CYP2C19: variants seen among roughly 807,000 people sequenced by gnomAD.
CYP2C19 encodes cytochrome P450 family 2 subfamily C member 19.
CYP2C19 carries 59 observed loss-of-function variants against 40.9 expected under a neutral mutation model. The ratio of observed to expected loss-of-function variants is 1.44; its 90% confidence interval spans 1.17 to 1.79. CYP2C19 has a LOEUF of 1.79. Ranked by LOEUF, CYP2C19 falls within the 40% of genes most tolerant of loss-of-function variation. CYP2C19 has a pLI of 0.00. For missense variants in CYP2C19, 754 were observed against 596.9 expected (o/e 1.26, Z -2.74); for synonymous variants, 253 against 208.7 (o/e 1.21, Z -1.83).
intron 1 of CYP2C19, among the ~76,000 whole-genome samples, chr10:94,769,687 G>C (rs1324881581): frequency 6.6e-6 from 1 of 152,118 alleles, no homozygotes; most frequent in African/African-American, 2.4e-5. Flanking sequence ...ACAATATCCT[G>C]TAATCCTTCA....
At chr10:94,769,155 T>A (rs1419104345) in intron 1 of CYP2C19, among the ~76,000 whole-genome samples, 1 of 152,020 alleles carries the variant, frequency 6.6e-6, no homozygotes, top group Non-Finnish European at 1.5e-5. Flanking sequence ...AAGCTGGGCC[T>A]TTGACCTAGA....
At chr10:94,829,694 G>A (rs1279092070) in intron 6 of CYP2C19, among the ~76,000 whole-genome samples, 1 of 152,052 alleles carries the variant, frequency 6.6e-6, no homozygotes, top group Non-Finnish European at 1.5e-5. Context: ...TCCGTTGCTG[G>A]TGAGGAACTA....
intron 5 of CYP2C19, among the ~76,000 whole-genome samples, chr10:94,805,926 A>G (rs2134256492): frequency 6.6e-6 from 1 of 152,280 alleles, no homozygotes; most frequent in East Asian, 1.9e-4. Context: ...CCATTCCCTT[A>G]TCACTTGCTC....
At chr10:94,812,015 G>T (rs1407955919) in intron 5 of CYP2C19, among the ~76,000 whole-genome samples, 2 of 152,170 alleles carry the variant, frequency 1.3e-5, no homozygotes, top group African/African-American at 4.8e-5. Flanking sequence ...GCTGTTCCCA[G>T]TTGATCCTTT....
intron 5 of CYP2C19, among the ~76,000 whole-genome samples, chr10:94,806,360 A>G (rs1187222889): frequency 1.3e-5 from 2 of 152,138 alleles, no homozygotes; most frequent in East Asian, 1.9e-4. Flanking sequence ...GTTATTATGC[A>G]TATGGGTAAA....
At chr10:94,850,488 G>T (rs907452142) in intron 8 of CYP2C19, among the ~76,000 whole-genome samples, 2 of 152,200 alleles carry the variant, frequency 1.3e-5, no homozygotes, top group East Asian at 3.9e-4. Context: ...CACAGAATAG[G>T]GTCTTAAGAG....
intron 8 of CYP2C19, 93 bp downstream of exon 8, chr10:94,850,151 G>A (rs989106623): frequency 1.6e-5 from 22 of 1,395,550 alleles, no homozygotes; most frequent in African/African-American, 9.9e-5. Context: ...CAGTGGTACA[G>A]TTACTCTTTG....
intron 5 of CYP2C19, among the ~76,000 whole-genome samples, chr10:94,797,885 T>C (rs1848710451): frequency 6.6e-6 from 1 of 152,132 alleles, no homozygotes; most frequent in African/African-American, 2.4e-5. Context: ...CTCTCTTTTC[T>C]TCTTTATTAG....
chr10:94,789,133 A>T (rs1848577151), intron 5 of CYP2C19, among the ~76,000 whole-genome samples: 1 of 151,858 alleles, frequency 6.6e-6, no homozygotes, highest in Non-Finnish European at 1.5e-5. Flanking sequence ...TTTTGGCCAC[A>T]TAGATGTCTT....
chr10:94,838,369 G>T lies in CYP2C19; in HGVS notation c.962-4468G>T, dbSNP rs535238837. ...ATATGGTGGCAATTCTCTCATTTGG[G>T]GTTAGTGTCTGATTTAGCAGTAACA... On this transcript the variant is annotated intron_variant, in intron 6 of 8. Transcript: ENST00000371321. Among the ~76,000 whole-genome samples, 3 of 152,222 alleles carry T rather than the reference G, an allele frequency of 2.0e-5. No individual in the cohort carries two copies. The South Asian group carries it at 6.2e-4, about 32-fold the overall frequency.
intron 5 of CYP2C19, among the ~76,000 whole-genome samples, chr10:94,798,814 A>ATTTTTTTTTTTTTTTTTTT (rs61240923): frequency 4.0e-4 from 27 of 67,692 alleles, no homozygotes; most frequent in East Asian, 1.3e-3. Flanking sequence ...GCAACCCCTG[A>ATTTTTTTTTTTTTTTTTTT]TTTTTTTTTT....
chr10:94,831,128 G>A (rs1849328577), intron 6 of CYP2C19, among the ~76,000 whole-genome samples: 1 of 152,064 alleles, frequency 6.6e-6, no homozygotes, highest in Non-Finnish European at 1.5e-5. Context: ...AACATGCTAT[G>A]TTTGTTTTTC....
rs143652122 is a variant in CYP2C19 at position 94,830,388 on chromosome 10, G to A, written c.961+9751G>A. On this transcript the variant is annotated intron_variant, in intron 6 of 8. Coordinates refer to ENST00000371321, the MANE Select transcript of CYP2C19 (RefSeq NM_000769.4). ...CGTTTTTTAAGCCCATCGGAAAAGCGCAGTATTCGGGTGGGAGTGACCCGA... is the reference window on the plus strand; with the variant it reads ...CGTTTTTTAAGCCCATCGGAAAAGCACAGTATTCGGGTGGGAGTGACCCGA... Among the ~76,000 whole-genome samples the A allele has an allele frequency of 0.025, 3,740 of 152,208 alleles. 366 individuals carry two copies. In the East Asian group the frequency reaches 0.35, roughly 14 times the overall value.
At chr10:94,794,568 T>C (rs1848656092) in intron 5 of CYP2C19, among the ~76,000 whole-genome samples, 1 of 152,148 alleles carries the variant, frequency 6.6e-6, no homozygotes, top group Admixed American at 6.5e-5. Flanking sequence ...TTGTGTCCTC[T>C]TTTATTTTGT....
At chr10:94,834,660 G>A (rs1372098706) in intron 6 of CYP2C19, among the ~76,000 whole-genome samples, 1 of 151,554 alleles carries the variant, frequency 6.6e-6, no homozygotes, top group Non-Finnish European at 1.5e-5. Context: ...CAAATGCCTG[G>A]GTTTATATCC....
intron 5 of CYP2C19, among the ~76,000 whole-genome samples, chr10:94,799,525 T>A (rs1426679850): frequency 2.6e-5 from 4 of 152,200 alleles, no homozygotes; most frequent in Non-Finnish European, 5.9e-5. Flanking sequence ...TTTCTCTGTG[T>A]TTCCTAAATT....
intron 1 of CYP2C19, among the ~76,000 whole-genome samples, chr10:94,768,274 T>C (rs1305424709): frequency 1.3e-5 from 2 of 152,188 alleles, no homozygotes; most frequent in African/African-American, 4.8e-5. Context: ...AGAGGCTTAC[T>C]TTCAAGTACA....
chr10:94,779,225 T>C (rs531692810), intron 3 of CYP2C19, among the ~76,000 whole-genome samples: 14 of 152,268 alleles, frequency 9.2e-5, no homozygotes, highest in African/African-American at 3.4e-4. Flanking sequence ...GGCACATGTA[T>C]ACCTATGTAA....
chr10:94,770,292 C>T (rs1171348309), intron 1 of CYP2C19, among the ~76,000 whole-genome samples: 1 of 152,134 alleles, frequency 6.6e-6, no homozygotes, highest in Non-Finnish European at 1.5e-5. Context: ...ATTGCCTTGG[C>T]ATAGCAGACA....
Sources: gnomAD v4.1 joint callset for allele counts (sites outside exome capture counted in the v4.1 genomes callset) on GRCh38, gnomAD v4.1.1 for gene constraint, MANE v1.5 for transcripts, NCBI Gene and HGNC (gene_info 2026-07-23, HGNC 2026-07-21) for gene names.